Variants in STK32B observed in about 807,000 individuals in gnomAD.
STK32B encodes serine/threonine kinase 32B.
In STK32B, 43 loss-of-function variants were observed where a neutral mutation model predicts 52.6. The ratio of observed to expected loss-of-function variants is 0.82; its 90% CI spans 0.64 to 1.05. The LOEUF (loss-of-function observed/expected upper bound fraction) is 1.05, where lower values mean the gene tolerates loss of function less well. Ranked by LOEUF, STK32B falls within the 50% of genes least tolerant of loss-of-function variation. STK32B has a pLI of 0.00. For missense variants in STK32B, 621 were observed against 534.6 expected (o/e 1.16, Z -1.59); for synonymous variants, 238 against 204.3 (o/e 1.17, Z -1.41).
chr4:5,184,372 C>T (rs1383259678), intron 3 of STK32B, among the ~76,000 whole-genome samples: 1 of 152,086 alleles, frequency 6.6e-6, no homozygotes, highest in Non-Finnish European at 1.5e-5. Context: ...ATTACATTTA[C>T]CTTCTTATAT....
chr4:5,137,031 C>T (rs970199576), intron 1 of STK32B, among the ~76,000 whole-genome samples: 1 of 152,176 alleles, frequency 6.6e-6, no homozygotes, highest in African/African-American at 2.4e-5. Context: ...AATGTTATAA[C>T]ACTAATTATT....
chr4:5,179,462 A>G (rs12499822), intron 3 of STK32B, among the ~76,000 whole-genome samples: 51,490 of 152,056 alleles, frequency 0.34, 10,359 homozygotes, highest in East Asian at 0.5. Flanking sequence ...GCCTATATGT[A>G]TGATGCATAG....
intron 6 of STK32B, among the ~76,000 whole-genome samples, chr4:5,429,228 T>A (rs1427401374): frequency 1.4e-5 from 2 of 140,276 alleles, no homozygotes; most frequent in East Asian, 4.3e-4. Flanking sequence ...GTAGGCAATC[T>A]TTTAAATCCA....
At position 5,411,394 on chromosome 4, in the gene STK32B, G is replaced by A. The variant is rs545414961; in HGVS notation, c.473-5451G>A. On this transcript the variant is annotated intron_variant, in intron 5 of 11. Coordinates refer to ENST00000282908, the MANE Select transcript of STK32B (RefSeq NM_018401.3). Reference sequence around the variant, plus strand: ...ATCCATGGGTTCAGTTCAACCAGCCGTGGATAAAAAGTGGTCAAAAATGAT... The same window carrying A: ...ATCCATGGGTTCAGTTCAACCAGCCATGGATAAAAAGTGGTCAAAAATGAT... Among the ~76,000 whole-genome samples the A allele has an allele frequency of 9.8e-5, 15 of 152,292 alleles. No homozygotes were observed. In the South Asian group the frequency reaches 2.7e-3, roughly 27 times the overall value.
At chr4:5,417,105 C>G (rs1712230789) in intron 6 of STK32B, among the ~76,000 whole-genome samples, 171 bp downstream of exon 6, 1 of 152,232 alleles carries the variant, frequency 6.6e-6, no homozygotes, top group South Asian at 2.1e-4. Context: ...GGACCTTTTC[C>G]AAGCTGTCTC....
intron 3 of STK32B, among the ~76,000 whole-genome samples, chr4:5,321,448 G>A (rs1419447226): frequency 6.6e-6 from 1 of 152,168 alleles, no homozygotes; most frequent in Non-Finnish European, 1.5e-5. Flanking sequence ...TTAATCAAGT[G>A]GTGAGGGCTG....
At chr4:5,384,609 A>G (rs1736131033) in intron 4 of STK32B, among the ~76,000 whole-genome samples, 2 of 152,106 alleles carry the variant, frequency 1.3e-5, no homozygotes, top group African/African-American at 4.8e-5. Flanking sequence ...AGTCATCAGG[A>G]AGTAGAAATT....
At chr4:5,457,104 A>G (rs1716599215) in intron 8 of STK32B, among the ~76,000 whole-genome samples, 181 bp downstream of exon 8, 1 of 152,150 alleles carries the variant, frequency 6.6e-6, no homozygotes, top group African/African-American at 2.4e-5. Context: ...CGTGCAGATC[A>G]GCACACCTCG....
chr4:5,470,395 G>C lies in STK32B; in HGVS notation c.1106+2325G>C, dbSNP rs1460798652. On this transcript the variant is annotated intron_variant, in intron 11 of 11. Coordinates refer to ENST00000282908, the MANE Select transcript of STK32B (RefSeq NM_018401.3). The surrounding 1 kb of genome is among the most constrained non-coding windows in gnomAD (Gnocchi z 4.6). ...AATAAAGAAAGAGGGCAGACGTCAT[G>C]TGTTCCTGACAATGGGGAGCCACAG... Among the ~76,000 whole-genome samples the C allele has an allele frequency of 2.0e-5, 3 of 152,198 alleles. No homozygotes were observed. The highest frequency in any genetic ancestry group is 4.8e-5 in the African/African-American group (2 of 41,462).
At chr4:5,466,052 G>A (rs891634721) in intron 9 of STK32B, among the ~76,000 whole-genome samples, 15 of 152,196 alleles carry the variant, frequency 9.9e-5, no homozygotes, top group African/African-American at 2.9e-4. Flanking sequence ...TATAGCCACC[G>A]GGCTGCATTG....
At chr4:5,225,818 A>G (rs1325293682) in intron 3 of STK32B, among the ~76,000 whole-genome samples, 2 of 152,226 alleles carry the variant, frequency 1.3e-5, no homozygotes, top group Non-Finnish European at 2.9e-5. Flanking sequence ...TTCCATTTCC[A>G]CATGGAAGAG....
At chr4:5,140,550 G>C (rs1307896947) in intron 2 of STK32B, among the ~76,000 whole-genome samples, 1 of 152,052 alleles carries the variant, frequency 6.6e-6, no homozygotes, top group Non-Finnish European at 1.5e-5. Flanking sequence ...GAAAAGCTTA[G>C]ATGTGAAACA....
the STK32B span, chr4:5,019,409 G>A: frequency 2.0e-6 from 3 of 1,487,026 alleles, no homozygotes; most frequent in Non-Finnish European, 2.7e-6. Context: ...CCCGCCAGGA[G>A]CAGCAGCAGC....
intron 3 of STK32B, among the ~76,000 whole-genome samples, chr4:5,323,604 T>A (rs1432709434): frequency 6.6e-6 from 1 of 152,178 alleles, no homozygotes; most frequent in East Asian, 1.9e-4. Flanking sequence ...TCCTTCCCCA[T>A]CAACCCTCTA....
intron 5 of STK32B, among the ~76,000 whole-genome samples, chr4:5,411,160 C>T (rs1711635736): frequency 6.6e-6 from 1 of 152,096 alleles, no homozygotes; most frequent in Non-Finnish European, 1.5e-5. Flanking sequence ...CCCAGCTTCC[C>T]AAGTAACTGG....
At chr4:5,477,638 C>T (rs1384760095) in intron 11 of STK32B, among the ~76,000 whole-genome samples, 1 of 152,220 alleles carries the variant, frequency 6.6e-6, no homozygotes, top group Non-Finnish European at 1.5e-5. Context: ...CCTACATCTT[C>T]CTGCTGCTTC....
intron 4 of STK32B, among the ~76,000 whole-genome samples, chr4:5,359,948 G>A (rs1234029805): frequency 2.6e-5 from 4 of 152,206 alleles, no homozygotes; most frequent in Admixed American, 2.6e-4. Flanking sequence ...AAGAAACATG[G>A]TTCAATCTAT....
intron 3 of STK32B, among the ~76,000 whole-genome samples, chr4:5,225,407 G>A (rs1300780373): frequency 6.6e-6 from 1 of 151,342 alleles, no homozygotes; most frequent in Non-Finnish European, 1.5e-5. Flanking sequence ...ACTCCGTCTC[G>A]AAAAAAAATA....
Position 5,492,399 on chromosome 4 carries a change from T to A in STK32B, c.1107-6546T>A, listed in dbSNP as rs1719814701. ...TTTGTCTGGTATTGGTGTATAAGAATGCTTGTGATTTTTGTACACTGATTT... is the reference window on the plus strand; with the variant it reads ...TTTGTCTGGTATTGGTGTATAAGAAAGCTTGTGATTTTTGTACACTGATTT... On this transcript the variant is annotated intron_variant, in intron 11 of 11. Coordinates refer to ENST00000282908, the MANE Select transcript of STK32B (RefSeq NM_018401.3). Among the ~76,000 whole-genome samples, 2 of 152,212 alleles carry A rather than the reference T, an allele frequency of 1.3e-5. 1 individual carries two copies. The highest frequency in any genetic ancestry group is 4.1e-4 in the South Asian group (2 of 4,822).
Sources: gnomAD v4.1 joint callset for allele counts (sites outside exome capture counted in the v4.1 genomes callset) on GRCh38, gnomAD v4.1.1 for gene constraint, Gnocchi (gnomAD v3.1) non-coding constraint, MANE v1.5 for transcripts, NCBI Gene and HGNC (gene_info 2026-07-23, HGNC 2026-07-21) for gene names.